DIPK1A: variants seen among roughly 807,000 people sequenced by gnomAD.
DIPK1A encodes divergent protein kinase domain 1A, also known as family with sequence similarity 69 member A.
In DIPK1A, 27 loss-of-function variants were observed where a neutral mutation model predicts 40.8. That is an observed-to-expected ratio of 0.66 (90% CI 0.49 to 0.91). DIPK1A has a LOEUF of 0.91. Ranked by LOEUF, DIPK1A falls within the 40% of genes least tolerant of loss-of-function variation. The pLI is 0.00. For missense variants in DIPK1A, 412 were observed against 505.7 expected (o/e 0.81, Z 1.78); for synonymous variants, 166 against 171.3 (o/e 0.97, Z 0.24).
At chr1:92,901,781 A>C (rs544047604) in intron 1 of DIPK1A, among the ~76,000 whole-genome samples, 3 of 152,206 alleles carry the variant, frequency 2.0e-5, no homozygotes, top group Admixed American at 2.0e-4. Context: ...GAGGCAGGGA[A>C]TGCACAGCAA....
chr1:92,867,649 G>A (rs1647618554), intron 2 of DIPK1A, among the ~76,000 whole-genome samples: 1 of 152,018 alleles, frequency 6.6e-6, no homozygotes, highest in African/African-American at 2.4e-5. Context: ...GGGATTATAG[G>A]CGTGCACTGG....
intron 2 of DIPK1A, among the ~76,000 whole-genome samples, chr1:92,858,014 T>C (rs1266635974): frequency 1.3e-5 from 2 of 152,202 alleles, no homozygotes; most frequent in African/African-American, 4.8e-5. Flanking sequence ...CTTTCATCCT[T>C]ATTTCCTGAG....
chr1:92,926,375 A>G (rs1650506612), intron 1 of DIPK1A, among the ~76,000 whole-genome samples: 2 of 152,140 alleles, frequency 1.3e-5, no homozygotes, highest in African/African-American at 4.8e-5. Context: ...CAGAAAACAT[A>G]CTCTGTTAGA....
downstream of DIPK1A, chr1:92,837,326 G>A: frequency 1.2e-6 from 1 of 821,126 alleles, no homozygotes; most frequent in Non-Finnish European, 2.2e-6. Flanking sequence ...GCAGTCAGTA[G>A]TTGGTCCTTT....
intron 1 of DIPK1A, among the ~76,000 whole-genome samples, chr1:92,925,839 G>T (rs1650483573): frequency 6.6e-6 from 1 of 152,122 alleles, no homozygotes; most frequent in Non-Finnish European, 1.5e-5. Context: ...GTTTTGGAAA[G>T]CTGCATTTTT....
In DIPK1A at chr1:92,844,054, T is replaced by A. The variant is rs919391052; in HGVS notation, c.616A>T (p.Met206Leu). The change falls in exon 5 of 5, where the codon ATG becomes TTG. Residue 206 changes from methionine (M) to leucine (L), a missense_variant. Coordinates refer to ENST00000370310, the MANE Select transcript of DIPK1A (RefSeq NM_001006605.5). ...ALLQLNEFLLMVILQDKEHTP... is the reference protein window; with the variant it reads ...ALLQLNEFLLLVILQDKEHTP... ...TGTTCTTTATCTTGAAGTATCACCA[T>A]GAGAAGAAATTCATTCAGTTGAAGA... is the stretch of plus-strand genomic sequence containing the variant. 1 of 1,551,958 alleles carries A rather than the reference T, an allele frequency of 6.4e-7. No homozygotes were observed. The highest frequency in any genetic ancestry group is 1.4e-5 in the African/African-American group (1 of 73,062).
At chr1:92,908,768 G>A (rs1204503980) in intron 1 of DIPK1A, among the ~76,000 whole-genome samples, 1 of 152,140 alleles carries the variant, frequency 6.6e-6, no homozygotes, top group Non-Finnish European at 1.5e-5. Context: ...TTCCTGAGAG[G>A]TTGGAAGGGA....
intron 1 of DIPK1A, among the ~76,000 whole-genome samples, chr1:92,958,520 C>T (rs966517566): frequency 2.0e-5 from 3 of 152,148 alleles, no homozygotes; most frequent in Non-Finnish European, 4.4e-5. Context: ...TGAAATAAAT[C>T]CAACTTCTTC....
intron 2 of DIPK1A, among the ~76,000 whole-genome samples, chr1:92,867,714 C>T (rs917666447): frequency 1.1e-4 from 17 of 152,068 alleles, no homozygotes; most frequent in African/African-American, 2.9e-4. Flanking sequence ...CCATGTTGGC[C>T]GGGCTGATCT....
intron 1 of DIPK1A, among the ~76,000 whole-genome samples, chr1:92,910,883 T>C (rs144883147): frequency 3.9e-5 from 6 of 152,176 alleles, no homozygotes; most frequent in African/African-American, 1.4e-4. Context: ...TGTAGGTCTA[T>C]GTCTCCACTA....
At chr1:92,841,897 T>C (rs771788660), downstream of DIPK1A, 16 of 1,522,548 alleles carry the variant, frequency 1.1e-5, no homozygotes, top group African/African-American at 4.1e-5. Flanking sequence ...TTTTCAGATA[T>C]AGATAATAAA....
At chr1:92,871,241 C>T (rs1647833553) in intron 2 of DIPK1A, among the ~76,000 whole-genome samples, 1 of 152,172 alleles carries the variant, frequency 6.6e-6, no homozygotes, top group Admixed American at 6.5e-5. Flanking sequence ...TCTTGGCTCA[C>T]TGCAACCTCC....
intron 1 of DIPK1A, among the ~76,000 whole-genome samples, chr1:92,937,852 C>G (rs1651003978): frequency 6.6e-6 from 1 of 152,034 alleles, no homozygotes; most frequent in African/African-American, 2.4e-5. Context: ...TGGCCTTTCA[C>G]ATAAAAAGCC....
At chr1:92,832,758 A>G (rs1271182928) in exon 5 of DIPK1A, 2 of 486,228 alleles carry the variant, frequency 4.1e-6, no homozygotes, top group African/African-American at 3.9e-5. Flanking sequence ...TAGGGCCCCA[A>G]GGGTGGGATG....
At chr1:92,906,571 A>G (rs1438730612) in intron 1 of DIPK1A, among the ~76,000 whole-genome samples, 3 of 152,176 alleles carry the variant, frequency 2.0e-5, no homozygotes, top group East Asian at 1.9e-4. Context: ...TCCTATTTAT[A>G]TAAGTATGAT....
chr1:92,833,568 C>A, intron 4 of DIPK1A: 1 of 1,613,590 alleles, frequency 6.2e-7, no homozygotes, highest in South Asian at 1.1e-5. Flanking sequence ...TTATTATGCT[C>A]GGAAACGCTT....
chr1:92,893,139 GA>G (rs1267285209), intron 1 of DIPK1A, among the ~76,000 whole-genome samples: 1 of 151,474 alleles, frequency 6.6e-6, no homozygotes, highest in Non-Finnish European at 1.5e-5. Flanking sequence ...TCAGATTCAG[GA>G]AATACAGAGA....
intron 1 of DIPK1A, among the ~76,000 whole-genome samples, chr1:92,943,423 A>G (rs1190364544): frequency 6.6e-6 from 1 of 152,278 alleles, no homozygotes; most frequent in Admixed American, 6.5e-5. Flanking sequence ...CCGAGCCAAC[A>G]GGTACAAGGG....
At chr1:92,832,866 G>A (rs1854795) in exon 5 of DIPK1A, 1 of 621,628 alleles carries the variant, frequency 1.6e-6, no homozygotes, top group Admixed American at 2.7e-5. Context: ...AGGTAATTTA[G>A]GCTTTTGAAA....
Sources: allele counts gnomAD v4.1 joint callset (sites outside exome capture counted in the v4.1 genomes callset), GRCh38; gene constraint gnomAD v4.1.1; transcripts MANE v1.5; gene names NCBI Gene and HGNC (gene_info 2026-07-23, HGNC 2026-07-21).